Variants in ACYP2 observed in about 807,000 individuals in gnomAD.
ACYP2 encodes acylphosphatase-2.
ACYP2 carries 12 observed loss-of-function variants against 11.2 expected under a neutral mutation model. The ratio of observed to expected loss-of-function variants is 1.08; its 90% CI spans 0.69 to 1.74. The LOEUF is 1.74. ACYP2 is among the 40% of genes most tolerant of loss of function. ACYP2 has a pLI of 0.00. For missense variants in ACYP2, 134 were observed against 101.9 expected (o/e 1.31, Z -1.35); for synonymous variants, 43 against 32.2 (o/e 1.33, Z -1.13).
intron 2 of ACYP2, among the ~76,000 whole-genome samples, chr2:54,026,034 T>C (rs999731306): frequency 1.3e-5 from 2 of 152,124 alleles, no homozygotes; most frequent in African/African-American, 4.8e-5. Flanking sequence ...GGAGAATCAC[T>C]TGAATGCAGG....
At chr2:54,276,756 T>G (rs912704680) in intron 6 of ACYP2, among the ~76,000 whole-genome samples, 4 of 152,074 alleles carry the variant, frequency 2.6e-5, no homozygotes, top group African/African-American at 9.7e-5. Flanking sequence ...ACTGGAGAAA[T>G]TTGAAAATAA....
intron 2 of ACYP2, among the ~76,000 whole-genome samples, chr2:54,016,193 T>G (rs1420453001): frequency 6.6e-6 from 1 of 151,980 alleles, no homozygotes; most frequent in Non-Finnish European, 1.5e-5. Flanking sequence ...CCACATCTGT[T>G]TGGAGGCCAC....
chr2:54,283,197 T>G (rs149585535), intron 6 of ACYP2, among the ~76,000 whole-genome samples: 2 of 152,232 alleles, frequency 1.3e-5, no homozygotes, highest in Non-Finnish European at 2.9e-5. Context: ...CTGTTAGATA[T>G]GAATATCTTG....
chr2:54,235,077 G>C (rs990387591), intron 6 of ACYP2, among the ~76,000 whole-genome samples: 2 of 152,126 alleles, frequency 1.3e-5, no homozygotes, highest in African/African-American at 2.4e-5. Flanking sequence ...ACTTTTTGAA[G>C]ACCCCTATTA....
At chr2:54,296,745 A>T (rs1300083994) in intron 6 of ACYP2, among the ~76,000 whole-genome samples, 14 of 152,182 alleles carry the variant, frequency 9.2e-5, no homozygotes, top group Non-Finnish European at 1.3e-4. Context: ...ATAAGCATGT[A>T]AAATATATTA....
At chr2:54,115,297 TTTTA>T (rs1354031284) in intron 4 of ACYP2, 3 of 463,700 alleles carry the variant, frequency 6.5e-6, no homozygotes, top group Admixed American at 4.1e-5. Context: ...TATACCCAAC[TTTTA>T]TTTGTCAATT....
intron 6 of ACYP2, among the ~76,000 whole-genome samples, chr2:54,187,817 A>G (rs1203672799): frequency 6.6e-6 from 1 of 152,122 alleles, no homozygotes. Context: ...ATGTGTTGGA[A>G]ACTGAATCCC....
intron 6 of ACYP2, among the ~76,000 whole-genome samples, chr2:54,199,289 C>G (rs1558606501): frequency 6.6e-6 from 1 of 152,208 alleles, no homozygotes; most frequent in Non-Finnish European, 1.5e-5. Context: ...ACACCATACC[C>G]ACATGGGGTC....
intron 6 of ACYP2, among the ~76,000 whole-genome samples, chr2:54,285,946 C>T (rs1689059643): frequency 6.6e-6 from 1 of 152,104 alleles, no homozygotes; most frequent in African/African-American, 2.4e-5. Flanking sequence ...TCATACCTGT[C>T]CTGGACTGCC....
chr2:54,035,577 CA>C (rs1674853612), intron 2 of ACYP2, among the ~76,000 whole-genome samples: 1 of 152,066 alleles, frequency 6.6e-6, no homozygotes, highest in Non-Finnish European at 1.5e-5. Context: ...GAGACAATTT[CA>C]AAAGCAAATT....
intron 6 of ACYP2, among the ~76,000 whole-genome samples, chr2:54,283,176 A>G (rs1348737677): frequency 6.6e-6 from 1 of 152,246 alleles, no homozygotes; most frequent in African/African-American, 2.4e-5. Context: ...ATTATCATAC[A>G]TATACAATTC....
At chr2:54,051,496 C>T in intron 3 of ACYP2, 1 of 705,580 alleles carries the variant, frequency 1.4e-6, no homozygotes, top group Non-Finnish European at 2.6e-6. Flanking sequence ...CAAGAGGACT[C>T]CTTTGGGCTT....
intron 2 of ACYP2, among the ~76,000 whole-genome samples, chr2:54,015,802 C>G (rs1673654604): frequency 6.6e-6 from 1 of 152,038 alleles, no homozygotes; most frequent in Non-Finnish European, 1.5e-5. Flanking sequence ...GTAATCTACT[C>G]TGTAATCTAG....
intron 4 of ACYP2, among the ~76,000 whole-genome samples, chr2:54,087,100 T>C (rs150958737): frequency 6.6e-6 from 1 of 152,246 alleles, no homozygotes; most frequent in African/African-American, 2.4e-5. Flanking sequence ...CTATTGTGTT[T>C]AAGGTATGGG....
chr2:54,142,208 T>C, intron 6 of ACYP2: 1 of 292,274 alleles, frequency 3.4e-6, no homozygotes, highest in Non-Finnish European at 6.3e-6. Context: ...GTGAAGATAG[T>C]ACAGAGACTT....
At chr2:54,028,289 A>C (rs1035118202) in intron 2 of ACYP2, among the ~76,000 whole-genome samples, 1 of 152,038 alleles carries the variant, frequency 6.6e-6, no homozygotes, top group Non-Finnish European at 1.5e-5. Flanking sequence ...TGTTTTTCTT[A>C]TTATTAGACT....
At chr2:53,979,394 C>T (rs1385020379) in intron 2 of ACYP2, among the ~76,000 whole-genome samples, 4 of 151,772 alleles carry the variant, frequency 2.6e-5, no homozygotes, top group Non-Finnish European at 5.9e-5. Flanking sequence ...TTTGGGAGGC[C>T]GAGGAGGGCA....
At position 54,300,890 on chromosome 2, in the gene ACYP2, A is replaced by G. The variant is rs114161345; in HGVS notation, c.405-3798A>G. On this transcript the variant is annotated intron_variant, in intron 6 of 6. Transcript: ENST00000607452. ...TATTATCAAGCTTTTAAATCTTCCC[A>G]TTCCATAAGTGACAGATGGTGGCTT... Among the ~76,000 whole-genome samples, 1,159 of 152,324 alleles carry G rather than the reference A, an allele frequency of 7.6e-3. 17 individuals carry two copies. The highest frequency in any genetic ancestry group is 8.1e-3 in the Non-Finnish European group (551 of 68,026).
intron 6 of ACYP2, among the ~76,000 whole-genome samples, chr2:54,164,208 C>G (rs1417558121): frequency 6.6e-6 from 1 of 152,078 alleles, no homozygotes; most frequent in South Asian, 2.1e-4. Flanking sequence ...TGGCATGGGT[C>G]AGGGTGAAGC....
Sources: gnomAD v4.1 joint callset for allele counts (sites outside exome capture counted in the v4.1 genomes callset) on GRCh38, gnomAD v4.1.1 for gene constraint, MANE v1.5 for transcripts, NCBI Gene and HGNC (gene_info 2026-07-23, HGNC 2026-07-21) for gene names.